Variants in ZFHX3 observed in about 807,000 individuals in gnomAD.
ZFHX3 encodes zinc finger homeobox protein 3.
Under a neutral mutation model 279.1 loss-of-function variants are expected in ZFHX3, and 42 were observed. The ratio of observed to expected loss-of-function variants is 0.15; its 90% CI spans 0.12 to 0.19. ZFHX3 has a LOEUF of 0.19. ZFHX3 is among the 10% of genes least tolerant of loss of function. The pLI is 1.00. For synonymous variants in ZFHX3, 2,293 were observed against 1,957.8 expected (o/e 1.17, Z -4.52); for missense variants, 4,981 against 4,754.0 (o/e 1.05, Z -1.40).
intron 2 of ZFHX3, among the ~76,000 whole-genome samples, chr16:73,658,475 G>C (rs748319991): frequency 9.2e-5 from 14 of 152,134 alleles, no homozygotes; most frequent in Non-Finnish European, 1.9e-4. Flanking sequence ...GCTAATTTTT[G>C]TATTTCTGAT....
At position 72,787,186 on chromosome 16, in the gene ZFHX3, C is replaced by A; in HGVS notation, c.11090G>T (p.Gly3697Val). ...AGCTTACAATCTGAAGGTGTCCGTT[C>A]CTACACTGGTCAGACCACTGTCCTT... is the stretch of plus-strand genomic sequence containing the variant. Reference protein sequence around the residue: ...CPKDSGLTSVGTDTFRL With the variant: ...CPKDSGLTSVVTDTFRL The change falls in exon 10 of 10, where the codon GGA becomes GTA. Residue 3697 changes from glycine (G) to valine (V), a missense_variant. Coordinates refer to ENST00000268489, the MANE Select transcript of ZFHX3 (RefSeq NM_006885.4). 6.2e-7 allele frequency: 1 copy of A among 1,606,904 alleles called. No individual in the cohort carries two copies.
upstream of ZFHX3, among the ~76,000 whole-genome samples, chr16:73,051,082 T>G (rs1427576510): frequency 6.6e-6 from 1 of 152,254 alleles, no homozygotes; most frequent in Admixed American, 6.5e-5. Context: ...TAAGATACAG[T>G]GGATGTCAGC....
chr16:73,766,968 C>T (rs1449609762), intron 1 of ZFHX3, among the ~76,000 whole-genome samples: 1 of 142,766 alleles, frequency 7.0e-6, no homozygotes. Context: ...TGGAGTCTTA[C>T]TCTGTTGCCC....
intron 4 of ZFHX3, among the ~76,000 whole-genome samples, chr16:73,268,472 AGCCACTGGCGCTGCGCCC>A (rs1387602836): frequency 5.3e-5 from 8 of 152,204 alleles, no homozygotes; most frequent in Non-Finnish European, 1.0e-4. Flanking sequence ...ACTTGTTCTC[AGCCACTGGCGCTGCGCCC>A]GACGCAGGGC....
intron 3 of ZFHX3, among the ~76,000 whole-genome samples, chr16:73,377,335 C>T (rs1023196706): frequency 6.6e-6 from 1 of 152,080 alleles, no homozygotes; most frequent in Admixed American, 6.6e-5. Flanking sequence ...CTCTGTCCCC[C>T]ACATGTGACC....
intron 1 of ZFHX3, among the ~76,000 whole-genome samples, chr16:73,876,832 T>C (rs993530780): frequency 1.3e-5 from 2 of 152,142 alleles, no homozygotes; most frequent in African/African-American, 2.4e-5. Context: ...ATGGGTCTAA[T>C]GTCCTTTCTC....
At chr16:73,004,411 C>T (rs1963630172) in intron 1 of ZFHX3, among the ~76,000 whole-genome samples, 1 of 146,860 alleles carries the variant, frequency 6.8e-6, no homozygotes. Flanking sequence ...TCACTGCAAC[C>T]TCTGCCTTTT....
chr16:73,055,711 CACACACACACAT>C (rs1232343868), intron 1 of ZFHX3, among the ~76,000 whole-genome samples: 202 of 143,968 alleles, frequency 1.4e-3, no homozygotes, highest in Admixed American at 4.9e-3. Flanking sequence ...CACACACACA[CACACACACACAT>C]ACACACACAC....
chr16:73,114,843 A>T (rs1374281083), intron 7 of ZFHX3, among the ~76,000 whole-genome samples: 1 of 152,156 alleles, frequency 6.6e-6, no homozygotes, highest in Non-Finnish European at 1.5e-5. Flanking sequence ...GTTTTTAAAG[A>T]GATGGGGTCT....
chr16:73,445,228 GTGTA>G (rs150916257), intron 3 of ZFHX3, among the ~76,000 whole-genome samples: 5,853 of 151,686 alleles, frequency 0.039, 269 homozygotes, highest in East Asian at 0.26. Flanking sequence ...TATAATTCAT[GTGTA>G]TGTATGTATA....
chr16:73,389,754 G>T (rs905550821), intron 3 of ZFHX3, among the ~76,000 whole-genome samples: 2 of 152,226 alleles, frequency 1.3e-5, no homozygotes, highest in African/African-American at 4.8e-5. Flanking sequence ...TCAGGAAAAG[G>T]GGGACGATCC....
At chr16:73,521,495 G>A (rs1284971756) in intron 2 of ZFHX3, among the ~76,000 whole-genome samples, 3 of 152,190 alleles carry the variant, frequency 2.0e-5, no homozygotes, top group Admixed American at 1.3e-4. Flanking sequence ...AGACAGGGCG[G>A]GCAGGGTAGG....
chr16:73,848,404 C>A (rs1366469675), intron 1 of ZFHX3, among the ~76,000 whole-genome samples: 3 of 149,302 alleles, frequency 2.0e-5, no homozygotes, highest in Non-Finnish European at 2.9e-5. Context: ...TAGATAAAAG[C>A]AAGAGCTGGT....
intron 4 of ZFHX3, among the ~76,000 whole-genome samples, chr16:72,841,871 T>A (rs960544650): frequency 2.6e-5 from 4 of 152,156 alleles, no homozygotes; most frequent in Non-Finnish European, 4.4e-5. Flanking sequence ...CAAAAGTAAT[T>A]TAAATTCTAG....
At chr16:73,707,370 A>G (rs1398372867) in intron 1 of ZFHX3, among the ~76,000 whole-genome samples, 1 of 152,148 alleles carries the variant, frequency 6.6e-6, no homozygotes, top group Non-Finnish European at 1.5e-5. Flanking sequence ...TTTAAAATGT[A>G]ATGAGGACTG....
chr16:73,636,523 T>G (rs2142152222), intron 2 of ZFHX3, among the ~76,000 whole-genome samples: 1 of 152,206 alleles, frequency 6.6e-6, no homozygotes, highest in South Asian at 2.1e-4. Context: ...CAAAATGAAC[T>G]GAAAAGCTAT....
chr16:72,945,584 C>T (rs921530379), intron 3 of ZFHX3, among the ~76,000 whole-genome samples: 4 of 152,158 alleles, frequency 2.6e-5, no homozygotes, highest in Non-Finnish European at 4.4e-5. Context: ...AAATCACCTG[C>T]AGGAAAACAT....
chr16:73,662,724 C>T (rs183432814), intron 2 of ZFHX3, among the ~76,000 whole-genome samples: 6 of 152,254 alleles, frequency 3.9e-5, no homozygotes, highest in Admixed American at 3.3e-4. Context: ...AATTTCATTT[C>T]GCCTGCAATT....
intron 3 of ZFHX3, among the ~76,000 whole-genome samples, chr16:73,350,086 C>A (rs1458553417): frequency 6.6e-6 from 1 of 150,394 alleles, no homozygotes; most frequent in Non-Finnish European, 1.5e-5. Flanking sequence ...GAGAAATCTG[C>A]CTTCTTTTAA....
Sources: gnomAD v4.1 joint callset for allele counts (sites outside exome capture counted in the v4.1 genomes callset) on GRCh38, gnomAD v4.1.1 for gene constraint, MANE v1.5 for transcripts, NCBI Gene and HGNC (gene_info 2026-07-23, HGNC 2026-07-21) for gene names.